ELF1: variants seen among roughly 807,000 people sequenced by gnomAD.
ELF1 encodes the protein E74 like ETS transcription factor 1, also known as ETS-related transcription factor Elf-1.
A neutral mutation model predicts 59.9 loss-of-function variants in ELF1; 24 were observed. The ratio of observed to expected loss-of-function variants is 0.40; its 90% confidence interval spans 0.29 to 0.56. The LOEUF (loss-of-function observed/expected upper bound fraction) is 0.56, where lower values mean the gene tolerates loss of function less well. Among genes scored for constraint, ELF1 ranks in the 20% least tolerant of loss-of-function variants. The pLI is 0.44. For missense variants in ELF1, 627 were observed against 742.2 expected, an observed-to-expected ratio of 0.84 and a Z score of 1.80; for synonymous variants, 248 against 266.2, an observed-to-expected ratio of 0.93 and a Z score of 0.67.
At chr13:40,988,783 C>G (rs551431512) in intron 1 of ELF1, among the ~76,000 whole-genome samples, 1 of 152,108 alleles carries the variant, frequency 6.6e-6, no homozygotes, top group Non-Finnish European at 1.5e-5. Flanking sequence ...TAGATTTGTA[C>G]TGATATTTTT....
intron 1 of ELF1, among the ~76,000 whole-genome samples, chr13:41,052,584 C>T (rs1346003899): frequency 6.6e-6 from 1 of 152,132 alleles, no homozygotes; most frequent in African/African-American, 2.4e-5. Context: ...GGCACAGTCG[C>T]TCACGCCTGT....
At chr13:40,953,313 T>G (rs2138169094) in intron 3 of ELF1, among the ~76,000 whole-genome samples, 1 of 152,324 alleles carries the variant, frequency 6.6e-6, no homozygotes. Context: ...ATAGGCTGAA[T>G]GGTATCCCCC....
chr13:40,932,770 A>G lies in ELF1; in HGVS notation c.*655T>C, dbSNP rs2138094631. On this transcript the variant is annotated 3_prime_UTR_variant, in exon 9 of 9. Coordinates refer to ENST00000239882, the MANE Select transcript of ELF1 (RefSeq NM_172373.4). The stretch of plus-strand genomic sequence containing the variant: ...CTAATCCAATACATCTCTTCCTTTT[A>G]TGAGAGGAACTAAAGCCCAAAGAGG... The G allele has an allele frequency of 6.6e-6, 1 of 152,344 alleles. No homozygotes were observed. The highest frequency in any genetic ancestry group is 1.9e-4 in the East Asian group (1 of 5,186). The allele number at this position is 152,344 out of a possible 1,614,324, so 9.4% of individuals were successfully genotyped here. A position where few individuals can be genotyped will look rare whatever the true frequency, so the allele number is the denominator to read the frequency against.
At chr13:41,027,316 C>T (rs1373395416) in intron 1 of ELF1, among the ~76,000 whole-genome samples, 4 of 152,326 alleles carry the variant, frequency 2.6e-5, no homozygotes, top group Non-Finnish European at 5.9e-5. Context: ...CAGAGGAGGG[C>T]TTTAATAATC....
At chr13:41,000,237 CTTTTTTTTTTTTTTTT>C (rs55938711) in intron 1 of ELF1, among the ~76,000 whole-genome samples, 2 of 54,754 alleles carry the variant, frequency 3.7e-5, no homozygotes, top group African/African-American at 7.7e-5. Context: ...TTGAACCTGG[CTTTTTTTTTTTTTTTT>C]TTTTTTTTTT....
chr13:41,059,867 T>C lies in ELF1; in HGVS notation c.-229+971A>G, dbSNP rs199607968. The stretch of plus-strand genomic sequence containing the variant: ...ACCCCAGGATGTTTTGCCGTTGTTT[T>C]AATCAATTTTTTTCTTTAAATCAAC... On this transcript the variant is annotated intron_variant, in intron 1 of 1. Transcript: ENST00000405737. Among the ~76,000 whole-genome samples the C allele has an allele frequency of 2.6e-5, 4 of 152,356 alleles. No homozygotes were observed. In the East Asian group the frequency reaches 7.7e-4, roughly 29 times the overall value.
intron 1 of ELF1, among the ~76,000 whole-genome samples, chr13:41,002,535 G>A (rs1021361895): frequency 3.2e-4 from 17 of 53,612 alleles, no homozygotes; most frequent in African/African-American, 7.0e-4. Flanking sequence ...CAGCTACTTC[G>A]GAGGCTGAGG....
At chr13:41,035,223 GA>G (rs1876326182) in intron 1 of ELF1, among the ~76,000 whole-genome samples, 1 of 152,124 alleles carries the variant, frequency 6.6e-6, no homozygotes, top group African/African-American at 2.4e-5. Context: ...CTTCCTACTG[GA>G]ATACTCTTCC....
intron 3 of ELF1, among the ~76,000 whole-genome samples, chr13:40,955,446 A>G: frequency 7.9e-6 from 1 of 127,230 alleles, no homozygotes; most frequent in Non-Finnish European, 1.7e-5. Flanking sequence ...CCGCCCGGCC[A>G]GCCGCCCCGT....
chr13:41,026,115 C>T (rs866929297), intron 1 of ELF1, among the ~76,000 whole-genome samples: 4 of 152,088 alleles, frequency 2.6e-5, no homozygotes, highest in South Asian at 2.1e-4. Flanking sequence ...TAATGAGCAA[C>T]GAGTAGCAAC....
chr13:41,031,773 C>T (rs1417771406), intron 1 of ELF1, among the ~76,000 whole-genome samples: 3 of 136,520 alleles, frequency 2.2e-5, no homozygotes, highest in South Asian at 2.3e-4. Context: ...GAGCCAAGAT[C>T]GTGCCACTGC....
In ELF1 at chr13:40,981,994, C is replaced by T. The variant is rs1041620375; in HGVS notation, c.61G>A (p.Asp21Asn). 2 of 1,605,550 alleles carry T rather than the reference C, an allele frequency of 1.2e-6. No homozygotes were observed. Among genetic ancestry groups the T allele is most frequent in the African/African-American group, 2.7e-5 (2 of 74,654 alleles). The change falls in exon 2 of 9, where the codon GAT becomes AAT. Residue 21 changes from aspartate (D) to asparagine (N), a missense_variant. Physicochemically the swap from Asp to Asn is conservative, Grantham distance 23. This residue lies in a region of ELF1 where 232 missense variants were observed against 269.2 expected (regional missense o/e 0.86). Coordinates refer to ENST00000239882, the MANE Select transcript of ELF1 (RefSeq NM_172373.4). ...TCTGAATCTCATACCTGTCGTTCATCCTCCATGACGTTACTAGCAAATTCA... is the reference window on the plus strand; with the variant it reads ...TCTGAATCTCATACCTGTCGTTCATTCTCCATGACGTTACTAGCAAATTCA... ...VFEFASNVME[D>N]ERQLGDPAIF...
At chr13:40,965,997 C>A (rs1302333547) in intron 2 of ELF1, among the ~76,000 whole-genome samples, 1 of 152,240 alleles carries the variant, frequency 6.6e-6, no homozygotes, top group Non-Finnish European at 1.5e-5. Flanking sequence ...AGAATGACAA[C>A]ATTCAAAACT....
chr13:41,020,202 A>G (rs1207518604), upstream of ELF1, among the ~76,000 whole-genome samples: 1 of 152,212 alleles, frequency 6.6e-6, no homozygotes, highest in Admixed American at 6.5e-5. Flanking sequence ...AAGTCAGAAT[A>G]CATCTGACAA....
At chr13:40,981,249 T>C (rs1873251913) in intron 2 of ELF1, among the ~76,000 whole-genome samples, 1 of 152,128 alleles carries the variant, frequency 6.6e-6, no homozygotes, top group East Asian at 1.9e-4. Flanking sequence ...TCCCATATCA[T>C]GTCTTACATT....
In ELF1 at chr13:41,037,856, C is replaced by G. The variant is rs546833999; in HGVS notation, c.-229+22982G>C. On this transcript the variant is annotated intron_variant, in intron 1 of 1. Transcript: ENST00000405737. ...TTTGAACATCCTCAACAGACATTTCCCAAATTTAAGGATACAAAAATATGC... is the reference window on the plus strand; with the variant it reads ...TTTGAACATCCTCAACAGACATTTCGCAAATTTAAGGATACAAAAATATGC... Among the ~76,000 whole-genome samples the G allele has an allele frequency of 9.9e-5, 15 of 151,166 alleles. 1 individual carries two copies. In the South Asian group the frequency reaches 2.9e-3, roughly 30 times the overall value.
intron 1 of ELF1, among the ~76,000 whole-genome samples, chr13:41,009,426 A>G (rs1874926576): frequency 1.3e-5 from 2 of 152,152 alleles, no homozygotes; most frequent in African/African-American, 4.8e-5. Flanking sequence ...TAGACTTTCA[A>G]AGCATTTGAT....
At chr13:41,029,899 G>A (rs1226662650) in intron 1 of ELF1, among the ~76,000 whole-genome samples, 4 of 152,138 alleles carry the variant, frequency 2.6e-5, no homozygotes, top group Non-Finnish European at 4.4e-5. Flanking sequence ...AGGAATATCA[G>A]AGTTCAGTTC....
At chr13:40,969,062 G>A (rs1474094813) in intron 2 of ELF1, among the ~76,000 whole-genome samples, 1 of 152,022 alleles carries the variant, frequency 6.6e-6, no homozygotes, top group African/African-American at 2.4e-5. Flanking sequence ...TTAGCAACCA[G>A]GCAGAAAAGT....
Sources: allele counts gnomAD v4.1 joint callset (sites outside exome capture counted in the v4.1 genomes callset), GRCh38; gene constraint gnomAD v4.1.1; regional missense constraint gnomAD v4.1.1; transcripts MANE v1.5; gene names NCBI Gene and HGNC (gene_info 2026-07-23, HGNC 2026-07-21).